Variants in LIMS1 observed in about 807,000 individuals in gnomAD.
LIMS1 encodes LIM and senescent cell antigen-like-containing domain protein 1.
In LIMS1, 18 loss-of-function variants were observed where a neutral mutation model predicts 44.1. That is an observed-to-expected ratio of 0.41 (90% CI 0.28 to 0.61). The LOEUF is 0.61. Ranked by LOEUF, LIMS1 falls within the 20% of genes least tolerant of loss-of-function variation. The pLI is 0.32. For synonymous variants in LIMS1, 93 were observed against 149.1 expected (o/e 0.62, Z 2.74); for missense variants, 201 against 422.0 (o/e 0.48, Z 4.59).
intron 1 of LIMS1, among the ~76,000 whole-genome samples, chr2:108,633,021 C>T (rs1464947927): frequency 6.6e-6 from 1 of 152,146 alleles, no homozygotes; most frequent in African/African-American, 2.4e-5. Context: ...GTCCCCTTCC[C>T]CCTCCACTCC....
intron 8 of LIMS1, among the ~76,000 whole-genome samples, chr2:108,678,761 GCT>G (rs1692744036): frequency 6.6e-6 from 1 of 152,184 alleles, no homozygotes; most frequent in Non-Finnish European, 1.5e-5. Context: ...CTTATCATCA[GCT>G]CTGGAAAAAA....
intron 1 of LIMS1, among the ~76,000 whole-genome samples, chr2:108,560,004 C>T (rs1344766080): frequency 6.6e-6 from 1 of 151,348 alleles, no homozygotes; most frequent in Non-Finnish European, 1.5e-5. Context: ...ATCCTTTGCT[C>T]CCTCATTTCC....
intron 1 of LIMS1, among the ~76,000 whole-genome samples, chr2:108,567,095 A>C (rs1685317939): frequency 6.6e-6 from 1 of 152,196 alleles, no homozygotes; most frequent in African/African-American, 2.4e-5. Context: ...CAGATTCTCA[A>C]ATAATGTTGT....
At chr2:108,633,239 G>T (rs1030478818) in intron 1 of LIMS1, among the ~76,000 whole-genome samples, 1 of 152,160 alleles carries the variant, frequency 6.6e-6, no homozygotes, top group East Asian at 1.9e-4. Flanking sequence ...GTGTTTCAGA[G>T]CAGTTTTATT....
intron 1 of LIMS1, among the ~76,000 whole-genome samples, chr2:108,589,022 A>G (rs937371083): frequency 6.6e-6 from 1 of 152,166 alleles, no homozygotes; most frequent in Admixed American, 6.5e-5. Context: ...ATTTTATTAC[A>G]TTAATTTTTT....
chr2:108,557,374 G>T (rs1187593176), intron 1 of LIMS1, among the ~76,000 whole-genome samples: 1 of 152,038 alleles, frequency 6.6e-6, no homozygotes, highest in Non-Finnish European at 1.5e-5. Context: ...AACACGCCCA[G>T]CCTTTTTTTC....
At chr2:108,614,378 G>T (rs1453916558) in intron 1 of LIMS1, among the ~76,000 whole-genome samples, 3 of 152,128 alleles carry the variant, frequency 2.0e-5, no homozygotes, top group African/African-American at 7.2e-5. Context: ...GGAGGGTGTG[G>T]ACACATACAA....
intron 8 of LIMS1, among the ~76,000 whole-genome samples, chr2:108,678,236 T>G (rs1692705348): frequency 1.3e-5 from 2 of 152,256 alleles, no homozygotes; most frequent in Non-Finnish European, 2.9e-5. Flanking sequence ...GACACTACTT[T>G]CGGCCACTGC....
intron 2 of LIMS1, among the ~76,000 whole-genome samples, chr2:108,668,359 C>G (rs964257552): frequency 2.6e-5 from 4 of 152,116 alleles, no homozygotes; most frequent in African/African-American, 9.7e-5. Flanking sequence ...CCATCTTCTC[C>G]CCATCCCCTC....
Position 108,632,520 on chromosome 2 carries a change from G to C in LIMS1, c.33-27085G>C, listed in dbSNP as rs1688991643. On this transcript the variant is annotated intron_variant, in intron 1 of 9. Transcript: ENST00000544547. ...AACAGTGAAGGAAAACTCAAGGGAG[G>C]ATATGCCCAGAGTCCTGATGTTCTG... Among the ~76,000 whole-genome samples the C allele has an allele frequency of 3.3e-5, 5 of 152,132 alleles. No homozygotes were observed. In the South Asian group the frequency reaches 1.0e-3, roughly 32 times the overall value.
At chr2:108,638,200 A>G (rs1002600596) in intron 1 of LIMS1, among the ~76,000 whole-genome samples, 6 of 152,232 alleles carry the variant, frequency 3.9e-5, no homozygotes, top group Non-Finnish European at 7.3e-5. Context: ...CATGGGAGAA[A>G]AAAAAATTGT....
intron 1 of LIMS1, among the ~76,000 whole-genome samples, chr2:108,620,057 C>A (rs1298705171): frequency 6.6e-6 from 1 of 152,086 alleles, no homozygotes; most frequent in Non-Finnish European, 1.5e-5. Flanking sequence ...GTTTGAATGG[C>A]AATTATGAAA....
intron 1 of LIMS1, among the ~76,000 whole-genome samples, chr2:108,558,918 G>A (rs1254470264): frequency 3.3e-5 from 5 of 151,870 alleles, no homozygotes; most frequent in Admixed American, 2.0e-4. Context: ...TGATCCACCC[G>A]CCTTGGTCTC....
chr2:108,621,571 G>GCCT, intron 1 of LIMS1: 1 of 773,414 alleles, frequency 1.3e-6, no homozygotes, highest in Non-Finnish European at 2.2e-6. Flanking sequence ...TTGAAAAGTA[G>GCCT]CCTCTTAGTC....
chr2:108,616,107 A>G (rs545075169), intron 1 of LIMS1, among the ~76,000 whole-genome samples: 1 of 150,984 alleles, frequency 6.6e-6, no homozygotes, highest in East Asian at 2.0e-4. Context: ...ACATTTGATA[A>G]TGGTCTAAAT....
chr2:108,604,339 G>A (rs1324926687), intron 1 of LIMS1, among the ~76,000 whole-genome samples: 1 of 152,064 alleles, frequency 6.6e-6, no homozygotes, highest in East Asian at 1.9e-4. Context: ...CTTTACTATT[G>A]TTTGTGGCTG....
At chr2:108,624,756 C>CTAAA (rs1224936213) in intron 1 of LIMS1, among the ~76,000 whole-genome samples, 71 of 150,366 alleles carry the variant, frequency 4.7e-4, no homozygotes, top group African/African-American at 1.2e-3. Flanking sequence ...GACTATGTCT[C>CTAAA]TAAATAAATA....
chr2:108,684,120 T>G (rs1693188236), exon 10 of LIMS1: 1 of 510,310 alleles, frequency 2.0e-6, no homozygotes, highest in African/African-American at 2.0e-5. Context: ...TATGAATGGT[T>G]TTATGTCATT....
chr2:108,554,235 C>T (rs1487881370), intron 1 of LIMS1, among the ~76,000 whole-genome samples: 1 of 152,076 alleles, frequency 6.6e-6, no homozygotes, highest in Non-Finnish European at 1.5e-5. Context: ...GTATTGAGAT[C>T]CTGTGGAAAA....
Sources: allele counts gnomAD v4.1 joint callset (sites outside exome capture counted in the v4.1 genomes callset), GRCh38; gene constraint gnomAD v4.1.1; transcripts MANE v1.5; gene names NCBI Gene and HGNC (gene_info 2026-07-23, HGNC 2026-07-21).